The following LRRK1 variants were observed in gnomAD, a reference collection of about 807,000 sequenced individuals.
The protein encoded by LRRK1 is leucine rich repeat kinase 1.
In LRRK1, 113 loss-of-function variants were observed where a neutral mutation model predicts 209.1. That is an observed-to-expected ratio of 0.54 (90% CI 0.46 to 0.63). The LOEUF is 0.63. LRRK1 is among the 30% of genes least tolerant of loss of function. The probability of loss-of-function intolerance (pLI) is 0.00; values close to 1 mark genes in which losing one functional copy is unlikely to be tolerated. For missense variants in LRRK1, 2,284 were observed against 2,632.2 expected, an observed-to-expected ratio of 0.87 and a Z score of 2.89; for synonymous variants, 1,144 against 1,099.7, an observed-to-expected ratio of 1.04 and a Z score of -0.80.
rs1210342549 is a variant in LRRK1 at position 101,077,251 on chromosome 15, T to G, written c.*8403T>G. 1.3e-5 allele frequency: 2 copies of G among 152,246 alleles called. No homozygotes were observed. Among genetic ancestry groups the G allele is most frequent in the African/African-American group, 4.8e-5 (2 of 41,460 alleles). The allele number at this position is 152,246 out of a possible 1,614,324, so 9.4% of individuals were successfully genotyped here. On this transcript the variant is annotated 3_prime_UTR_variant, in exon 34 of 34. Transcript: ENST00000388948. Reference sequence around the variant, plus strand: ...TCTCATTCCAGACACCAGACCAACTTGGACTGTGCCCCAAAAAACTTGTCA... The same window carrying G: ...TCTCATTCCAGACACCAGACCAACTGGGACTGTGCCCCAAAAAACTTGTCA...
Position 101,027,360 on chromosome 15 carries a change from C to T in LRRK1, c.2505C>T (p.Cys835=). 1.2e-6 allele frequency: 2 copies of T among 1,613,786 alleles called. No homozygotes were observed. The highest frequency in any genetic ancestry group is 1.7e-6 in the Non-Finnish European group (2 of 1,179,990). ...SMKDVGSTIG[C]QRLAGRLIPR... ...AGGACGTGGGCAGCACCATCGGCTG[C>T]CAGCGACTGGCAGGGCGGCTGGTGG... Residue 835 remains cysteine, a synonymous_variant, in exon 18 of 34, where the codon TGC becomes TGT. Coordinates refer to ENST00000388948, the MANE Select transcript of LRRK1 (RefSeq NM_024652.6). This position sits in a 1 kb window ranked among gnomAD's most constrained non-coding sequence, Gnocchi z 5.1.
At chr15:101,047,730 G>T (rs146651514) in intron 21 of LRRK1, among the ~76,000 whole-genome samples, 220 of 152,298 alleles carry the variant, frequency 1.4e-3, no homozygotes, top group African/African-American at 4.9e-3. Flanking sequence ...GGTAGTCAGC[G>T]CACAGGACAG....
intron 2 of LRRK1, among the ~76,000 whole-genome samples, chr15:100,956,091 T>G (rs1365910057): frequency 1.3e-5 from 2 of 152,230 alleles, no homozygotes; most frequent in African/African-American, 4.8e-5. Context: ...TTTGGTAGAA[T>G]TCACCTGTGA....
At chr15:101,001,015 T>C (rs1290758079) in intron 6 of LRRK1, among the ~76,000 whole-genome samples, 1 of 152,118 alleles carries the variant, frequency 6.6e-6, no homozygotes, top group South Asian at 2.1e-4. Context: ...GCCTCCTTTC[T>C]CCTTAAGAGC....
At position 100,989,676 on chromosome 15, in the gene LRRK1, A is replaced by G; in HGVS notation, c.762+278A>G. The G allele has an allele frequency of 1.1e-5, 6 of 564,050 alleles. No individual in the cohort carries two copies. The South Asian group carries it at 1.5e-4, about 14-fold the overall frequency. The allele number at this position is 564,050 out of a possible 1,614,324, so 34.9% of individuals were successfully genotyped here. ...ACCCACTTCCACAATAACAACATCA[A>G]TCCATTTATGAGGGTGGGGCCTTCT... On this transcript the variant is annotated intron_variant, in intron 6 of 33. Coordinates refer to ENST00000388948, the MANE Select transcript of LRRK1 (RefSeq NM_024652.6).
intron 12 of LRRK1, 98 bp from the exon 13 acceptor site, chr15:101,020,955 C>T: frequency 7.2e-7 from 1 of 1,392,236 alleles, no homozygotes; most frequent in Admixed American, 1.7e-5. Context: ...CCAAAATGCC[C>T]TCTGGAGGTT....
In LRRK1 at chr15:101,053,299, G is replaced by C. The variant is rs78975797; in HGVS notation, c.3933G>C (p.Leu1311=). The C allele has an allele frequency of 3.7e-6, 6 of 1,605,840 alleles. No homozygotes were observed. The African/African-American group carries it at 5.3e-5, about 14-fold the overall frequency. Residue 1311 remains leucine, a synonymous_variant, in exon 26 of 34, where the codon CTG becomes CTC. Coordinates refer to ENST00000388948, the MANE Select transcript of LRRK1 (RefSeq NM_024652.6). ...AGTTCCGGCAGGAGGCCAGCATGCT[G>C]CACGCGCTGCAGCACCCCTGCATCG... is the stretch of plus-strand genomic sequence containing the variant. ...FSEFRQEASM[L]HALQHPCIVA...
At chr15:100,988,526 A>G (rs1392316672) in intron 4 of LRRK1, 108 bp from the exon 5 acceptor site, 2 of 1,009,224 alleles carry the variant, frequency 2.0e-6, no homozygotes, top group African/African-American at 1.6e-5. Context: ...AATGTACCAC[A>G]TTTTATTTAA....
At chr15:100,993,283 T>A (rs572297135) in intron 6 of LRRK1, among the ~76,000 whole-genome samples, 2 of 152,338 alleles carry the variant, frequency 1.3e-5, no homozygotes, top group East Asian at 3.9e-4. Flanking sequence ...TTTGAGCCCT[T>A]TATGTGCTGC....
intron 2 of LRRK1, among the ~76,000 whole-genome samples, chr15:100,950,885 C>T (rs7178888): frequency 0.39 from 59,573 of 151,460 alleles, 13,942 homozygotes; most frequent in East Asian, 0.73. Flanking sequence ...GGGCAGATCA[C>T]GAGGTCAGGA....
In LRRK1 at chr15:101,067,588, T is replaced by C. The variant is rs1415226312; in HGVS notation, c.5870+847T>C. 5.3e-5 allele frequency among the ~76,000 whole-genome samples: 8 copies of C among 152,178 alleles called. No homozygotes were observed. The South Asian group carries it at 8.3e-4, about 16-fold the overall frequency. Reference sequence around the variant, plus strand: ...AGAGGGTGGAGAAACACCAGTCAGCTTGCTTCTCCCAAAGCAGGACAATGA... The same window carrying C: ...AGAGGGTGGAGAAACACCAGTCAGCCTGCTTCTCCCAAAGCAGGACAATGA... On this transcript the variant is annotated intron_variant, in intron 33 of 33. Transcript: ENST00000388948.
Position 101,026,142 on chromosome 15 carries a change from G to GT in LRRK1, c.2405+6dup. Reference sequence around the variant, plus strand: ...CATCACCTTCAAACACTTACAGTGAGTGCCCAGCCTCGGGCAGCTCCTGCC... The same window carrying GT: ...CATCACCTTCAAACACTTACAGTGAGTTGCCCAGCCTCGGGCAGCTCCTGCC... On this transcript the variant is annotated splice_donor_region_variant and intron_variant, in intron 17 of 33. Coordinates refer to ENST00000388948, the MANE Select transcript of LRRK1 (RefSeq NM_024652.6). The GT allele has an allele frequency of 6.2e-6, 10 of 1,613,990 alleles. No individual in the cohort carries two copies. The highest frequency in any genetic ancestry group is 8.5e-6 in the Non-Finnish European group (10 of 1,179,846).
At position 101,053,399 on chromosome 15, in the gene LRRK1, G is replaced by A; in HGVS notation, c.4033G>A (p.Val1345Met). 1.9e-6 allele frequency: 3 copies of A among 1,598,000 alleles called. No homozygotes were observed. The highest frequency in any genetic ancestry group is 2.5e-6 in the Non-Finnish European group (3 of 1,178,818). ...ELAPLSSLNTVLSENARDSSF... is the reference protein window; with the variant it reads ...ELAPLSSLNTMLSENARDSSF... ...CGCGCCGCTCAGCAGCCTCAACACC[G>A]TGCTGTCCGAGAACGCCAGAGGTAC... Residue 1345 changes from valine (V) to methionine (M), a missense_variant, in exon 26 of 34, where the codon GTG becomes ATG. Coordinates refer to ENST00000388948, the MANE Select transcript of LRRK1 (RefSeq NM_024652.6).
chr15:100,928,651 A>T (rs1401416360), intron 2 of LRRK1, among the ~76,000 whole-genome samples: 1 of 152,222 alleles, frequency 6.6e-6, no homozygotes, highest in Non-Finnish European at 1.5e-5. Context: ...CACACTTTAA[A>T]AAAGAGTGTC....
intron 2 of LRRK1, among the ~76,000 whole-genome samples, chr15:100,967,043 T>G (rs557713101): frequency 6.6e-6 from 1 of 152,340 alleles, no homozygotes; most frequent in African/African-American, 2.4e-5. Context: ...TGTCTTTTAC[T>G]GGATAAGCGG....
chr15:101,055,234 G>A lies in LRRK1; in HGVS notation c.4332+11G>A, dbSNP rs762574988. 42 of 1,529,784 alleles carry A rather than the reference G, an allele frequency of 2.7e-5. No homozygotes were observed. The highest frequency in any genetic ancestry group is 3.5e-4 in the Middle Eastern group (2 of 5,688). 94.8% of individuals were successfully genotyped at this position (1,529,784 alleles called of 1,614,324 possible). ...GTATATGATGAGAAGGTACGTGCCTGGATCCCCTGGCCCAGCCCCACAGTG... is the reference window on the plus strand; with the variant it reads ...GTATATGATGAGAAGGTACGTGCCTAGATCCCCTGGCCCAGCCCCACAGTG... On this transcript the variant is annotated intron_variant, in intron 27 of 33. Transcript: ENST00000388948.
intron 2 of LRRK1, among the ~76,000 whole-genome samples, chr15:100,935,315 G>A (rs1464073275): frequency 1.3e-5 from 2 of 152,212 alleles, no homozygotes; most frequent in Non-Finnish European, 2.9e-5. Flanking sequence ...TACACAGAAT[G>A]AAGTGAATGG....
At chr15:100,949,589 ACTACCTC>A (rs1255301224) in intron 2 of LRRK1, among the ~76,000 whole-genome samples, 1 of 152,200 alleles carries the variant, frequency 6.6e-6, no homozygotes, top group Non-Finnish European at 1.5e-5. Flanking sequence ...ACTACAGACC[ACTACCTC>A]TTTCAAATAT....
chr15:101,053,025 C>T lies in LRRK1; in HGVS notation c.3793C>T (p.Gln1265Ter). ...TVIYRARYQG[Q>*]PVAVKRFHIK... ...CATCTACCGGGCCCGGTACCAGGGC[C>T]AGCCTGTGGCCGTCAAGCGCTTCCA... Residue 1265 changes from glutamine to a stop codon, truncating the protein, a stop_gained, in exon 25 of 34, where the codon CAG becomes TAG. Coordinates refer to ENST00000388948, the MANE Select transcript of LRRK1 (RefSeq NM_024652.6). LOFTEE classifies it high-confidence loss of function. 6.2e-7 allele frequency: 1 copy of T among 1,613,026 alleles called. No homozygotes were observed. The highest frequency in any genetic ancestry group is 1.1e-5 in the South Asian group (1 of 91,060).
Sources: gnomAD v4.1 joint callset for allele counts (sites outside exome capture counted in the v4.1 genomes callset) on GRCh38, gnomAD v4.1.1 for gene constraint, Gnocchi (gnomAD v3.1) non-coding constraint, MANE v1.5 for transcripts, NCBI Gene and HGNC (gene_info 2026-07-23, HGNC 2026-07-21) for gene names.